The following MAPKAP1 variants were observed in gnomAD, a reference collection of about 807,000 sequenced individuals.
MAPKAP1 encodes MAPK associated protein 1, also known as target of rapamycin complex 2 subunit MAPKAP1.
In MAPKAP1, 20 loss-of-function variants were observed where a neutral mutation model predicts 65.7. That is an observed-to-expected ratio of 0.30 (90% CI 0.21 to 0.44). MAPKAP1 has a LOEUF of 0.44. MAPKAP1 is among the 20% of genes least tolerant of loss of function. MAPKAP1 has a pLI of 1.00. For missense variants in MAPKAP1, 423 were observed against 648.0 expected, an observed-to-expected ratio of 0.65 and a Z score of 3.77; for synonymous variants, 222 against 244.3, an observed-to-expected ratio of 0.91 and a Z score of 0.85.
chr9:125,483,415 G>A (rs1200034229), intron 9 of MAPKAP1, among the ~76,000 whole-genome samples: 1 of 152,218 alleles, frequency 6.6e-6, no homozygotes, highest in African/African-American at 2.4e-5. Flanking sequence ...GGCCTCTTAC[G>A]AGTTAGCCAG....
intron 7 of MAPKAP1, among the ~76,000 whole-genome samples, chr9:125,513,734 A>G (rs749055277): frequency 1.3e-5 from 2 of 152,232 alleles, no homozygotes; most frequent in African/African-American, 2.4e-5. Context: ...GTAGATCCCT[A>G]GCCTATGAGT....
At chr9:125,507,843 T>C (rs1279766232) in intron 7 of MAPKAP1, among the ~76,000 whole-genome samples, 2 of 152,226 alleles carry the variant, frequency 1.3e-5, no homozygotes, top group Admixed American at 1.3e-4. Flanking sequence ...AAATTATTGG[T>C]AGTAAATTCA....
chr9:125,570,181 T>C (rs1831184883), intron 5 of MAPKAP1, among the ~76,000 whole-genome samples: 1 of 152,046 alleles, frequency 6.6e-6, no homozygotes, highest in Admixed American at 6.6e-5. Flanking sequence ...AAGGATCTTG[T>C]ATGGTAAATT....
At chr9:125,479,562 A>G (rs1460129056) in intron 9 of MAPKAP1, among the ~76,000 whole-genome samples, 1 of 151,904 alleles carries the variant, frequency 6.6e-6, no homozygotes, top group Non-Finnish European at 1.5e-5. Flanking sequence ...CCTGGGCAAC[A>G]AGAGCGAAAC....
Position 125,663,265 on chromosome 9 carries a change from T to C in MAPKAP1, c.350-5466A>G, listed in dbSNP as rs190099971. On this transcript the variant is annotated intron_variant, in intron 3 of 11. Transcript: ENST00000265960. ...ACAGGCATCCTGCCTTGTTATTCTA[T>C]TTTTTGAATACACCAGGCACGTTTC... Among the ~76,000 whole-genome samples, 10 of 152,356 alleles carry C rather than the reference T, an allele frequency of 6.6e-5. No individual in the cohort carries two copies. In the East Asian group the frequency reaches 1.7e-3, roughly 26 times the overall value.
intron 1 of MAPKAP1, among the ~76,000 whole-genome samples, chr9:125,690,786 C>T (rs1291872783): frequency 1.3e-5 from 2 of 152,148 alleles, no homozygotes; most frequent in Non-Finnish European, 2.9e-5. Flanking sequence ...AGCAGAACAA[C>T]ATGTATTTAG....
intron 4 of MAPKAP1, among the ~76,000 whole-genome samples, chr9:125,622,442 A>G (rs1053079939): frequency 2.0e-5 from 3 of 152,016 alleles, no homozygotes; most frequent in Non-Finnish European, 4.4e-5. Context: ...CTTTTATTTT[A>G]TATTTTATTT....
intron 7 of MAPKAP1, among the ~76,000 whole-genome samples, chr9:125,525,606 G>C (rs1829739415): frequency 6.6e-6 from 1 of 152,100 alleles, no homozygotes. Flanking sequence ...CTGGGAGGCG[G>C]AGGTTGTGGT....
At chr9:125,477,803 A>G (rs372313532) in intron 9 of MAPKAP1, among the ~76,000 whole-genome samples, 2 of 152,320 alleles carry the variant, frequency 1.3e-5, no homozygotes, top group African/African-American at 4.8e-5. Flanking sequence ...TGGGTGGCAC[A>G]TATCTCAGTG....
chr9:125,638,411 G>C lies in MAPKAP1; in HGVS notation c.498+19240C>G, dbSNP rs976988378. On this transcript the variant is annotated intron_variant, in intron 4 of 11. Transcript: ENST00000265960. ...TAGGGACACACACTGTGGGGAGAGAGTGGTGAAATAGAAGAAAAGTACTCC... is the reference window on the plus strand; with the variant it reads ...TAGGGACACACACTGTGGGGAGAGACTGGTGAAATAGAAGAAAAGTACTCC... Among the ~76,000 whole-genome samples the C allele has an allele frequency of 2.0e-5, 3 of 152,242 alleles. No homozygotes were observed. The East Asian group carries it at 5.8e-4, about 29-fold the overall frequency.
At position 125,447,342 on chromosome 9, in the gene MAPKAP1, C is replaced by T. The variant is rs1852754755; in HGVS notation, c.1346-2744G>A. 1 of 454,408 alleles carries T rather than the reference C, an allele frequency of 2.2e-6. No individual in the cohort carries two copies. Among genetic ancestry groups the T allele is most frequent in the African/African-American group, 2.0e-5 (1 of 50,140 alleles). 28.1% of individuals were successfully genotyped at this position (454,408 alleles called of 1,614,324 possible). A position where few individuals can be genotyped will look rare whatever the true frequency, so the allele number is the denominator to read the frequency against. On this transcript the variant is annotated intron_variant, in intron 10 of 11. Transcript: ENST00000265960. This position sits in a 1 kb window ranked among gnomAD's most constrained non-coding sequence, Gnocchi z 4.5. ...GCACTCACGCCATAGGAGAGGGGAA[C>T]AGAGGGCAGAGAACGTTCTGTGGAG...
intron 8 of MAPKAP1, among the ~76,000 whole-genome samples, chr9:125,504,769 G>A (rs1309609386): frequency 6.6e-6 from 1 of 151,996 alleles, no homozygotes; most frequent in Non-Finnish European, 1.5e-5. Context: ...CTCCAGCCTG[G>A]GTGACAGAGC....
chr9:125,473,755 C>A (rs891412482), intron 9 of MAPKAP1, among the ~76,000 whole-genome samples: 2 of 152,176 alleles, frequency 1.3e-5, no homozygotes, highest in Admixed American at 1.3e-4. Context: ...TTATTGAGAG[C>A]TTAGAACACC....
At chr9:125,591,328 G>A (rs1000105171) in intron 4 of MAPKAP1, among the ~76,000 whole-genome samples, 1 of 152,228 alleles carries the variant, frequency 6.6e-6, no homozygotes, top group Non-Finnish European at 1.5e-5. Context: ...CTGAGGAGCT[G>A]CTCGAGGAGA....
intron 10 of MAPKAP1, among the ~76,000 whole-genome samples, chr9:125,462,008 C>T (rs147192988): frequency 5.1e-4 from 77 of 152,338 alleles, no homozygotes; most frequent in East Asian, 3.9e-3. Context: ...ATTCCTCTTT[C>T]ACACATTTCA....
At chr9:125,640,838 G>A (rs1013890242) in intron 4 of MAPKAP1, among the ~76,000 whole-genome samples, 4 of 152,148 alleles carry the variant, frequency 2.6e-5, no homozygotes, top group Admixed American at 2.0e-4. Flanking sequence ...ATTTTCTTAT[G>A]CAACATGTTG....
intron 8 of MAPKAP1, among the ~76,000 whole-genome samples, chr9:125,493,981 G>A (rs1854836301): frequency 6.6e-6 from 1 of 152,162 alleles, no homozygotes; most frequent in South Asian, 2.1e-4. Context: ...GGCTGGAAAT[G>A]CATAACTCCA....
rs748587723 is a variant in MAPKAP1 at position 125,438,138 on chromosome 9, C to T, written c.*749G>A. On this transcript the variant is annotated 3_prime_UTR_variant, in exon 12 of 12. Transcript: ENST00000265960. ...CTGGGAGTGCAGCGTGCCTGAGGAC[C>T]AGCCACCGCCCCTCCTCCTGGCACC... 7.8e-6 allele frequency: 3 copies of T among 385,500 alleles called. No homozygotes were observed. Among genetic ancestry groups the T allele is most frequent in the Non-Finnish European group, 1.4e-5 (3 of 218,382 alleles). 23.9% of individuals were successfully genotyped at this position (385,500 alleles called of 1,614,324 possible). A position where few individuals can be genotyped will look rare whatever the true frequency, so the allele number is the denominator to read the frequency against.
intron 5 of MAPKAP1, among the ~76,000 whole-genome samples, chr9:125,573,866 C>T (rs997232161): frequency 1.3e-5 from 2 of 152,198 alleles, no homozygotes; most frequent in Admixed American, 6.5e-5. Flanking sequence ...AACAGTGTTC[C>T]TTTCCTTCAG....
Sources: gnomAD v4.1 joint callset for allele counts (sites outside exome capture counted in the v4.1 genomes callset) on GRCh38, gnomAD v4.1.1 for gene constraint, Gnocchi (gnomAD v3.1) non-coding constraint, MANE v1.5 for transcripts, NCBI Gene and HGNC (gene_info 2026-07-23, HGNC 2026-07-21) for gene names.